The following SLC25A20 variants were observed in gnomAD, a reference collection of about 807,000 sequenced individuals.
SLC25A20 encodes solute carrier family 25 member 20.
SLC25A20 carries 29 observed loss-of-function variants against 39.7 expected under a neutral mutation model. That is an observed-to-expected ratio of 0.73 (90% confidence interval 0.54 to 1.00). The LOEUF (loss-of-function observed/expected upper bound fraction) is 1.00, where lower values mean the gene tolerates loss of function less well. SLC25A20 is among the 50% of genes least tolerant of loss of function. The pLI, the probability that SLC25A20 is intolerant of heterozygous loss-of-function variation, is 0.00. For missense variants in SLC25A20, 333 were observed against 379.9 expected, an observed-to-expected ratio of 0.88 and a Z score of 1.03; for synonymous variants, 103 against 142.2, an observed-to-expected ratio of 0.72 and a Z score of 1.96.
intron 3 of SLC25A20, among the ~76,000 whole-genome samples, chr3:48,883,190 G>A (rs1343555049): frequency 6.7e-6 from 1 of 148,596 alleles, no homozygotes; most frequent in Admixed American, 6.7e-5. Flanking sequence ...GCAAGACTCA[G>A]TCTCGAACAA....
At chr3:48,896,483 T>TTTTTGTTTTG (rs144499213) in intron 1 of SLC25A20, among the ~76,000 whole-genome samples, 23 of 147,118 alleles carry the variant, frequency 1.6e-4, no homozygotes, top group African/African-American at 5.3e-4. Context: ...TTGCAGGTGG[T>TTTTTGTTTTG]TTTTGTTTTG....
chr3:48,870,378 T>C (rs796663754), intron 4 of SLC25A20, among the ~76,000 whole-genome samples: 2 of 152,062 alleles, frequency 1.3e-5, no homozygotes, highest in Non-Finnish European at 2.9e-5. Context: ...AATACAAGAT[T>C]ATACAAAAAT....
chr3:48,892,897 A>G (rs1006768171), intron 1 of SLC25A20, among the ~76,000 whole-genome samples: 5 of 152,162 alleles, frequency 3.3e-5, no homozygotes, highest in African/African-American at 1.2e-4. Flanking sequence ...CTTATATGTC[A>G]ACTCTGTTTA....
chr3:48,859,264 C>G, intron 6 of SLC25A20, 63 bp from the exon 7 acceptor site: 1 of 1,460,988 alleles, frequency 6.8e-7, no homozygotes, highest in Non-Finnish European at 9.6e-7. Flanking sequence ...TCAGACTATC[C>G]TGCCTGTGGC....
intron 2 of SLC25A20, among the ~76,000 whole-genome samples, chr3:48,887,243 A>C (rs917866540): frequency 2.0e-5 from 3 of 152,166 alleles, no homozygotes; most frequent in Non-Finnish European, 4.4e-5. Flanking sequence ...TCTTCCTTCC[A>C]CTAGAATGGC....
chr3:48,893,648 C>G (rs1422371710), intron 1 of SLC25A20, among the ~76,000 whole-genome samples: 1 of 151,964 alleles, frequency 6.6e-6, no homozygotes, highest in African/African-American at 2.4e-5. Context: ...ATCCTCCCAC[C>G]TCAGCCTCCC....
chr3:48,889,337 C>A (rs1050283581), intron 2 of SLC25A20, among the ~76,000 whole-genome samples: 3 of 151,528 alleles, frequency 2.0e-5, no homozygotes, highest in African/African-American at 7.3e-5. Context: ...TTGCAGTGAG[C>A]CAAGTTCATG....
At chr3:48,884,161 C>A (rs559649152) in intron 2 of SLC25A20, 37 bp from the exon 3 acceptor site, 1 of 1,611,862 alleles carries the variant, frequency 6.2e-7, no homozygotes, top group South Asian at 1.1e-5. Flanking sequence ...TGTTTACAGA[C>A]ACCACCACCT....
chr3:48,895,475 CA>C (rs1228175219), intron 1 of SLC25A20, among the ~76,000 whole-genome samples: 1 of 152,218 alleles, frequency 6.6e-6, no homozygotes, highest in East Asian at 1.9e-4. Flanking sequence ...GTTCTGCTTC[CA>C]AATCCTTCTC....
intron 5 of SLC25A20, 118 bp downstream of exon 5, chr3:48,862,424 C>T (rs2083635022): frequency 1.3e-6 from 1 of 761,616 alleles, no homozygotes; most frequent in African/African-American, 1.7e-5. Flanking sequence ...CCAGTATTGT[C>T]AGAGATGTGA....
At chr3:48,871,785 A>AAG (rs1300351637) in intron 4 of SLC25A20, among the ~76,000 whole-genome samples, 7 of 150,544 alleles carry the variant, frequency 4.6e-5, no homozygotes, top group Non-Finnish European at 5.9e-5. Flanking sequence ...AAAAAAAAAA[A>AAG]AGAGAGAGAG....
chr3:48,880,306 C>T (rs1020842165), intron 3 of SLC25A20, among the ~76,000 whole-genome samples: 1 of 151,826 alleles, frequency 6.6e-6, no homozygotes, highest in Non-Finnish European at 1.5e-5. Flanking sequence ...TGTTTTGAGA[C>T]ACGGTCTCAC....
Position 48,869,178 on chromosome 3 carries a change from G to C in SLC25A20, c.418-6519C>G, listed in dbSNP as rs147282380. On this transcript the variant is annotated intron_variant, in intron 4 of 8. Transcript: ENST00000319017. ...CTCAACTCAATATGTAAATATCCAG[G>C]TTGCAATTGAAAAATCACTTGTCAT... Among the ~76,000 whole-genome samples, 10 of 152,174 alleles carry C rather than the reference G, an allele frequency of 6.6e-5. No homozygotes were observed. In the East Asian group the frequency reaches 1.9e-3, roughly 29 times the overall value.
rs756998699 is a variant in SLC25A20, at chr3:48,898,785, G to A, written c.10C>T (p.Gln4Ter). 17 of 1,573,378 alleles carry A rather than the reference G, an allele frequency of 1.1e-5. No homozygotes were observed. Among genetic ancestry groups the A allele is most frequent in the Non-Finnish European group, 1.5e-5 (17 of 1,159,660 alleles). MAD[Q>*]PKPISPLKNL... The stretch of plus-strand genomic sequence containing the variant: ...TTGAGCGGGCTGATGGGTTTTGGCT[G>A]GTCGGCCATGGTCAGTCCGTCTGTC... The change falls in exon 1 of 9, where the codon CAG becomes TAG. Residue 4 changes from glutamine to a stop codon, truncating the protein, a stop_gained. Transcript: ENST00000319017. LOFTEE classifies it high-confidence loss of function.
chr3:48,885,399 G>A (rs759766622), intron 2 of SLC25A20, among the ~76,000 whole-genome samples: 1 of 152,138 alleles, frequency 6.6e-6, no homozygotes, highest in African/African-American at 2.4e-5. Context: ...GGAGACCAGG[G>A]GGCCAGTCCA....
At chr3:48,870,986 C>T (rs144386846) in intron 4 of SLC25A20, among the ~76,000 whole-genome samples, 53 of 151,924 alleles carry the variant, frequency 3.5e-4, no homozygotes, top group African/African-American at 1.2e-3. Context: ...CCACCATGCA[C>T]GGCTAATTTT....
intron 4 of SLC25A20, among the ~76,000 whole-genome samples, chr3:48,867,306 C>T (rs1288988329): frequency 1.3e-5 from 2 of 151,358 alleles, no homozygotes; most frequent in Non-Finnish European, 2.9e-5. Flanking sequence ...AGTGCAGTGG[C>T]GAGATCTCGG....
Position 48,859,200 on chromosome 3 carries a change from C to A in SLC25A20, c.610G>T (p.Val204Phe). ...KNIFTPEGKR[V>F]SELSAPRILV... The stretch of plus-strand genomic sequence containing the variant: ...ATCCGAGGGGCACTGAGCTCACTGA[C>A]CCTGTATAACACCAACCACAGCCCC... Residue 204 changes from valine (V) to phenylalanine (F), a missense_variant and splice_region_variant, in exon 7 of 9, where the codon GTC (valine) becomes TTC (phenylalanine). Val to Phe is a conservative substitution (Grantham distance 50). Coordinates refer to ENST00000319017, the MANE Select transcript of SLC25A20 (RefSeq NM_000387.6). 1.2e-6 allele frequency: 2 copies of A among 1,613,410 alleles called. No homozygotes were observed. The highest frequency in any genetic ancestry group is 1.1e-5 in the South Asian group (1 of 91,024).
intron 3 of SLC25A20, among the ~76,000 whole-genome samples, chr3:48,883,195 G>C (rs1425310659): frequency 6.8e-6 from 1 of 147,594 alleles, no homozygotes; most frequent in Non-Finnish European, 1.5e-5. Flanking sequence ...ACTCAGTCTC[G>C]AACAAACAAA....
Sources: gnomAD v4.1 joint callset for allele counts (sites outside exome capture counted in the v4.1 genomes callset) on GRCh38, gnomAD v4.1.1 for gene constraint, MANE v1.5 for transcripts, NCBI Gene and HGNC (gene_info 2026-07-23, HGNC 2026-07-21) for gene names.